COL6A1: variants seen among roughly 807,000 people sequenced by gnomAD.
COL6A1 encodes the protein collagen type VI alpha 1 chain.
In COL6A1, 80 loss-of-function variants were observed where a neutral mutation model predicts 145.6. The observed-to-expected ratio is 0.55, with a 90% confidence interval of 0.46 to 0.66. The LOEUF is 0.66. COL6A1 is among the 30% of genes least tolerant of loss of function. The pLI, the probability that COL6A1 is intolerant of heterozygous loss-of-function variation, is 0.00. For synonymous variants in COL6A1, 638 were observed against 622.8 expected (o/e 1.02, Z -0.36); for missense variants, 1,364 against 1,473.8 (o/e 0.93, Z 1.22).
chr21:45,984,537 GC>G, intron 3 of COL6A1, 68 bp downstream of exon 3: 1 of 1,508,326 alleles, frequency 6.6e-7, no homozygotes, highest in Middle Eastern at 1.7e-4. Flanking sequence ...GCTGGGGTTG[GC>G]CTGGGGTCCC....
At position 45,999,701 on chromosome 21, in the gene COL6A1, G is replaced by T. The variant is rs781690976; in HGVS notation, c.1776+9G>T. On this transcript the variant is annotated intron_variant, in intron 27 of 34. Transcript: ENST00000361866. ...GACCGCCTGGGCCGGACGTAAGTGG[G>T]GCTCTGTGAACATTGCTGGGGGCGA... 30 of 1,612,794 alleles carry T rather than the reference G, an allele frequency of 1.9e-5. No homozygotes were observed. Among genetic ancestry groups the T allele is most frequent in the Non-Finnish European group, 2.4e-5 (28 of 1,179,808 alleles).
intron 6 of COL6A1, 100 bp downstream of exon 6, chr21:45,987,275 A>C (rs1750180795): frequency 6.4e-7 from 1 of 1,550,932 alleles, no homozygotes; most frequent in Non-Finnish European, 8.7e-7. Context: ...ATATCCGCCC[A>C]TGTGCCCGGG....
In COL6A1 at chr21:45,992,184, G is replaced by GC; in HGVS notation, c.1209dup (p.Gly404ArgfsTer15). On this transcript the variant is annotated frameshift_variant, in exon 17 of 35. Transcript: ENST00000361866. LOFTEE classifies it high-confidence loss of function. ...CACAGGGCCAGCCGGGAGAGCCTGGGCCCCCCGGAGAGAAAGGAGAGGCGG... is the reference window on the plus strand; with the variant it reads ...CACAGGGCCAGCCGGGAGAGCCTGGGCCCCCCCGGAGAGAAAGGAGAGGCGG... The GC allele has an allele frequency of 3.7e-6, 6 of 1,613,734 alleles. No homozygotes were observed. Among genetic ancestry groups the GC allele is most frequent in the Non-Finnish European group, 2.5e-6 (3 of 1,179,992 alleles).
intron 20 of COL6A1, among the ~76,000 whole-genome samples, chr21:45,996,244 C>A (rs1240390742): frequency 6.6e-6 from 1 of 152,232 alleles, no homozygotes; most frequent in Non-Finnish European, 1.5e-5. Flanking sequence ...AAGGCAGGAT[C>A]TCAGGGTACC....
Position 46,000,801 on chromosome 21 carries a change from A to T in COL6A1, c.1822+34A>T, listed in dbSNP as rs376458034. On this transcript the variant is annotated intron_variant, in intron 29 of 34. Transcript: ENST00000361866. ...CAGGCTCTAGCTCCTGAGAGAATGG[A>T]TCCCGGGGGTCGGGGAGCGAGGCCT... 3.2e-5 allele frequency: 52 copies of T among 1,613,278 alleles called. No homozygotes were observed. The East Asian group carries it at 4.7e-4, about 15-fold the overall frequency.
intron 28 of COL6A1, 106 bp from the exon 29 acceptor site, chr21:46,000,653 G>C (rs1603593845): frequency 2.0e-3 from 71 of 35,274 alleles, no homozygotes; most frequent in Admixed American, 3.4e-3. Flanking sequence ...GCCGGGGAAG[G>C]AGGGCGGCCG....
chr21:46,003,019 CA>C, intron 33 of COL6A1, 100 bp from the exon 34 acceptor site: 1 of 1,561,600 alleles, frequency 6.4e-7, no homozygotes, highest in Non-Finnish European at 8.8e-7. Flanking sequence ...CTTCCGGGGG[CA>C]CGGCCACCCC....
At position 46,001,351 on chromosome 21, in the gene COL6A1, G is replaced by C; in HGVS notation, c.1921G>C (p.Val641Leu). The C allele has an allele frequency of 6.2e-7, 1 of 1,612,608 alleles. No individual in the cohort carries two copies. Among genetic ancestry groups the C allele is most frequent in the Non-Finnish European group, 8.5e-7 (1 of 1,179,886 alleles). ...GATTGCCAAGGACTTCGTCGTCAAG[G>C]TCATCGACCGGCTGAGCCGGGACGA... ...FEIAKDFVVKVIDRLSRDELV... is the reference protein window; with the variant it reads ...FEIAKDFVVKLIDRLSRDELV... Residue 641 changes from valine to leucine, a missense_variant, in exon 30 of 35, where the codon GTC becomes CTC. By Grantham distance (32) the Val-to-Leu change is conservative (BLOSUM62 1). Around this residue, in one of 3 missense-constraint regions of COL6A1, gnomAD observed 938 missense variants for 1,003.8 expected, o/e 0.93. Transcript: ENST00000361866.
At chr21:45,989,000 G>C in intron 8 of COL6A1, 84 bp from the exon 9 acceptor site, 4 of 1,519,006 alleles carry the variant, frequency 2.6e-6, no homozygotes, top group South Asian at 1.2e-5. Context: ...GCTGGATGAA[G>C]CGTCTTTTTA....
rs1187486319 is a variant in COL6A1 at position 46,000,785 on chromosome 21, G to A, written c.1822+18G>A. On this transcript the variant is annotated intron_variant, in intron 29 of 34. Transcript: ENST00000361866. Reference sequence around the variant, plus strand: ...TTGCTGTGGTGAGACCCAGGCTCTAGCTCCTGAGAGAATGGATCCCGGGGG... The same window carrying A: ...TTGCTGTGGTGAGACCCAGGCTCTAACTCCTGAGAGAATGGATCCCGGGGG... 7.4e-6 allele frequency: 12 copies of A among 1,613,854 alleles called. No homozygotes were observed. The South Asian group carries it at 1.1e-4, about 15-fold the overall frequency.
chr21:46,003,429 G>C lies in COL6A1; in HGVS notation c.2503G>C (p.Asp835His). 6 of 1,602,882 alleles carry C rather than the reference G, an allele frequency of 3.7e-6. No homozygotes were observed. The highest frequency in any genetic ancestry group is 5.1e-6 in the Non-Finnish European group (6 of 1,179,772). The change falls in exon 35 of 35, where the codon GAC becomes CAC. Residue 835 changes from aspartate to histidine, a missense_variant. Coordinates refer to ENST00000361866, the MANE Select transcript of COL6A1 (RefSeq NM_001848.3). ...SSPADITILL[D>H]GSASVGSHNF... Reference sequence around the variant, plus strand: ...CCCGGCTGACATCACCATCCTGCTGGACGGCTCCGCCAGCGTGGGCAGCCA... The same window carrying C: ...CCCGGCTGACATCACCATCCTGCTGCACGGCTCCGCCAGCGTGGGCAGCCA...
At position 45,999,202 on chromosome 21, in the gene COL6A1, G is replaced by A. The variant is rs1205861186; in HGVS notation, c.1724G>A (p.Gly575Asp). ...GTCAAAGGAGCAAAGGGGTACCGGG[G>A]TCCCGAGGGCCCCCAGGTGGGTGGA... ...RGVKGAKGYR[G>D]PEGPQGPPGH... is the part of the protein sequence containing the mutation. The change falls in exon 26 of 35, where the codon GGT (glycine) becomes GAT (aspartate). Residue 575 changes from glycine to aspartate, a missense_variant. Gly to Asp is a moderately conservative substitution (Grantham distance 94). This residue lies in a region of COL6A1 where 938 missense variants were observed against 1,003.8 expected (regional missense o/e 0.93). Coordinates refer to ENST00000361866, the MANE Select transcript of COL6A1 (RefSeq NM_001848.3). The A allele has an allele frequency of 5.0e-6, 8 of 1,601,614 alleles. No homozygotes were observed. The highest frequency in any genetic ancestry group is 6.0e-6 in the Non-Finnish European group (7 of 1,175,210).
chr21:45,987,251 G>A (rs1006622027), intron 6 of COL6A1, 76 bp downstream of exon 6: 30 of 1,573,330 alleles, frequency 1.9e-5, no homozygotes, highest in South Asian at 4.5e-5. Context: ...TGTTCAGGAC[G>A]CATGTCCCTA....
Position 46,002,015 on chromosome 21 carries a change from C to A in COL6A1, c.2011C>A (p.Gln671Lys), listed in dbSNP as rs1449838037. 1 of 1,612,730 alleles carries A rather than the reference C, an allele frequency of 6.2e-7. No individual in the cohort carries two copies. Reference sequence around the variant, plus strand: ...GGTGCAGTACAGCCACAGCCAGATGCAGGAGCACGTGAGCCTGCGCAGCCC... The same window carrying A: ...GGTGCAGTACAGCCACAGCCAGATGAAGGAGCACGTGAGCCTGCGCAGCCC... ...GVVQYSHSQM[Q>K]EHVSLRSPSI... is the part of the protein sequence containing the mutation. Residue 671 changes from glutamine to lysine, a missense_variant, in exon 31 of 35, where the codon CAG becomes AAG. By Grantham distance (53) the Gln-to-Lys change is moderately conservative. Transcript: ENST00000361866.
chr21:45,991,271 G>A (rs2077775508), intron 15 of COL6A1, among the ~76,000 whole-genome samples: 1 of 152,248 alleles, frequency 6.6e-6, no homozygotes, highest in African/African-American at 2.4e-5. Flanking sequence ...TGCAGCCCGA[G>A]GGCCTTCAGG....
In COL6A1 at chr21:46,000,575, G is replaced by A. The variant is rs536309123; in HGVS notation, c.1814-184G>A. 3.3e-5 allele frequency among the ~76,000 whole-genome samples: 5 copies of A among 152,222 alleles called. No homozygotes were observed. In the East Asian group the frequency reaches 9.7e-4, roughly 30 times the overall value. On this transcript the variant is annotated intron_variant, in intron 28 of 34. Coordinates refer to ENST00000361866, the MANE Select transcript of COL6A1 (RefSeq NM_001848.3). ...GGCTGAGAGTCCCCGGTGCGGTGCA[G>A]AGCTGCCACGTGGGGAGGGCGGCCG... is the stretch of plus-strand genomic sequence containing the variant.
At chr21:45,986,036 C>G (rs896262887) in intron 3 of COL6A1, among the ~76,000 whole-genome samples, 8 of 152,242 alleles carry the variant, frequency 5.3e-5, no homozygotes, top group African/African-American at 1.9e-4. Context: ...CGATACTGCC[C>G]TCCTTCCTGC....
intron 27 of COL6A1, among the ~76,000 whole-genome samples, chr21:46,000,008 C>T (rs76018878): frequency 0.026 from 206 of 7,918 alleles, 7 homozygotes; most frequent in Middle Eastern, 0.17. Context: ...ATGGGGGACC[C>T]GTGAGGATCA....
intron 3 of COL6A1, among the ~76,000 whole-genome samples, chr21:45,985,764 G>A (rs1479406415): frequency 6.6e-6 from 1 of 152,252 alleles, no homozygotes; most frequent in African/African-American, 2.4e-5. Context: ...GGTCTCAGAG[G>A]GCCACATGGC....
Sources: allele counts gnomAD v4.1 joint callset (sites outside exome capture counted in the v4.1 genomes callset), GRCh38; gene constraint gnomAD v4.1.1; regional missense constraint gnomAD v4.1.1; transcripts MANE v1.5; gene names NCBI Gene and HGNC (gene_info 2026-07-23, HGNC 2026-07-21).